Variants in SNX13 observed in about 807,000 individuals in gnomAD.
The protein encoded by SNX13 is sorting nexin-13.
In SNX13, 45 loss-of-function variants were observed where a neutral mutation model predicts 133.6. The observed-to-expected ratio is 0.34, with a 90% CI of 0.27 to 0.43. The LOEUF is 0.43. Among genes scored for constraint, SNX13 ranks in the 20% least tolerant of loss-of-function variants. The pLI is 1.00. For missense variants in SNX13, 1,032 were observed against 1,145.1 expected (o/e 0.90, Z 1.43); for synonymous variants, 414 against 373.9 (o/e 1.11, Z -1.24).
chr7:17,930,328 T>C (rs1801255406), intron 1 of SNX13, among the ~76,000 whole-genome samples: 1 of 152,118 alleles, frequency 6.6e-6, no homozygotes, highest in South Asian at 2.1e-4. Flanking sequence ...TAGATTCAAA[T>C]CCAAATAATC....
In SNX13 at chr7:17,851,029, T is replaced by C. The variant is rs1454687365; in HGVS notation, c.838-65A>G. 8 of 1,494,590 alleles carry C rather than the reference T, an allele frequency of 5.4e-6. No homozygotes were observed. In the African/African-American group the frequency reaches 7.1e-5, roughly 13 times the overall value. The allele number at this position is 1,494,590 out of a possible 1,614,324, so 92.6% of individuals were successfully genotyped here. The stretch of plus-strand genomic sequence containing the variant: ...CACTTATGAAAAGGAAAACTGAATC[T>C]TGAGTGCCTACTATGTGCTAGGACA... On this transcript the variant is annotated intron_variant, in intron 9 of 25. Transcript: ENST00000428135.
intron 9 of SNX13, among the ~76,000 whole-genome samples, chr7:17,861,003 ATG>A (rs1265466860): frequency 1.3e-5 from 2 of 152,038 alleles, no homozygotes; most frequent in African/African-American, 4.8e-5. Context: ...TGAACATAGT[ATG>A]TGTTTCCATT....
intron 20 of SNX13, among the ~76,000 whole-genome samples, chr7:17,811,369 C>G (rs1786000216): frequency 6.6e-6 from 1 of 151,762 alleles, no homozygotes. Context: ...AGACAAACAG[C>G]CAAATCATGA....
At chr7:17,858,520 G>A (rs1451380522) in intron 9 of SNX13, among the ~76,000 whole-genome samples, 7 of 152,014 alleles carry the variant, frequency 4.6e-5, no homozygotes, top group Non-Finnish European at 7.4e-5. Flanking sequence ...GAGATGCCAT[G>A]TTCCTAGATA....
At chr7:17,870,774 T>C (rs1793999654) in intron 8 of SNX13, among the ~76,000 whole-genome samples, 1 of 152,132 alleles carries the variant, frequency 6.6e-6, no homozygotes, top group Admixed American at 6.6e-5. Flanking sequence ...CTCATTAGAG[T>C]TACAATTCAT....
chr7:17,830,161 TA>T (rs367739163), intron 15 of SNX13, 114 bp from the exon 16 acceptor site: 56,573 of 470,974 alleles, frequency 0.12, 14 homozygotes, highest in Non-Finnish European at 0.13. Flanking sequence ...AACATAATAG[TA>T]AAAAAAAAAA....
chr7:17,934,526 G>A (rs763478935), intron 1 of SNX13, among the ~76,000 whole-genome samples: 1 of 152,112 alleles, frequency 6.6e-6, no homozygotes, highest in Non-Finnish European at 1.5e-5. Flanking sequence ...CATGTGGGCA[G>A]GCACCACCCA....
intron 2 of SNX13, among the ~76,000 whole-genome samples, chr7:17,896,117 T>A (rs1797177717): frequency 6.6e-6 from 1 of 152,282 alleles, no homozygotes; most frequent in Admixed American, 6.5e-5. Flanking sequence ...AGAAGTATAA[T>A]TAGGAAACCC....
intron 1 of SNX13, among the ~76,000 whole-genome samples, chr7:17,901,994 T>A (rs1246175175): frequency 1.3e-5 from 2 of 152,148 alleles, no homozygotes; most frequent in Non-Finnish European, 2.9e-5. Context: ...TAAAGAAATT[T>A]TCAAAAAAGA....
intron 23 of SNX13, 31 bp downstream of exon 23, chr7:17,798,978 C>G: frequency 6.3e-7 from 1 of 1,589,362 alleles, no homozygotes. Context: ...TAAGTAAGAT[C>G]AGATTAAAAG....
intron 18 of SNX13, 22 bp from the exon 19 acceptor site, chr7:17,816,311 A>G (rs1347947602): frequency 1.3e-6 from 2 of 1,522,188 alleles, no homozygotes; most frequent in South Asian, 1.2e-5. Context: ...AATACATTCA[A>G]TAGCACTTTT....
At chr7:17,841,772 AAAC>A in intron 12 of SNX13, among the ~76,000 whole-genome samples, 1 of 152,228 alleles carries the variant, frequency 6.6e-6, no homozygotes, top group Admixed American at 6.6e-5. Flanking sequence ...AAAGTCAATA[AAAC>A]AATCTATGAA....
At chr7:17,912,397 G>A (rs1328815025) in intron 1 of SNX13, among the ~76,000 whole-genome samples, 1 of 147,182 alleles carries the variant, frequency 6.8e-6, no homozygotes, top group Non-Finnish European at 1.5e-5. Context: ...TCCCAGGCAT[G>A]GGAATAAGAG....
At chr7:17,805,254 T>TGCCC (rs1554304328) in intron 20 of SNX13, among the ~76,000 whole-genome samples, 1 of 132,440 alleles carries the variant, frequency 7.6e-6, no homozygotes, top group African/African-American at 2.7e-5. Context: ...TGTGTGTGCG[T>TGCCC]GCGCGCGCGC....
chr7:17,921,241 T>C (rs1171628913), intron 1 of SNX13, among the ~76,000 whole-genome samples: 2 of 152,248 alleles, frequency 1.3e-5, no homozygotes, highest in African/African-American at 4.8e-5. Flanking sequence ...ACAGGACTGC[T>C]GGATGTGTTC....
rs1306279612 is a variant in SNX13 at position 17,853,950 on chromosome 7, TAAA to T, written c.838-2989_838-2987del. On this transcript the variant is annotated intron_variant, in intron 9 of 25. Transcript: ENST00000428135. ...AGCGAGAATCCATCTCCAAAAAAAA[TAAA>T]AAAAGAAAAAAAAAGAAAAAAGAAA... Among the ~76,000 whole-genome samples, 730 of 132,460 alleles carry T rather than the reference TAAA, an allele frequency of 5.5e-3. 5 individuals are homozygous for T. Among genetic ancestry groups the T allele is most frequent in the African/African-American group, 0.02 (704 of 35,334 alleles). The allele number at this position is 132,460 out of a possible 152,430, so 86.9% of individuals were successfully genotyped here. A position where few individuals can be genotyped will look rare whatever the true frequency, so the allele number is the denominator to read the frequency against.
rs575424600 is a variant in SNX13 at position 17,890,503 on chromosome 7, A to G, written c.319-19T>C. Reference sequence around the variant, plus strand: ...GGATAACCTATAACAAAAATATTGGAAAAAAAATTACAACATTTTAGGATT... The same window carrying G: ...GGATAACCTATAACAAAAATATTGGGAAAAAAATTACAACATTTTAGGATT... On this transcript the variant is annotated intron_variant, in intron 4 of 25. Coordinates refer to ENST00000428135, the MANE Select transcript of SNX13 (RefSeq NM_015132.5). 2.3e-5 allele frequency: 35 copies of G among 1,517,422 alleles called. No homozygotes were observed. In the East Asian group the frequency reaches 3.0e-4, roughly 13 times the overall value. The allele number at this position is 1,517,422 out of a possible 1,614,324, so 94.0% of individuals were successfully genotyped here. A position where few individuals can be genotyped will look rare whatever the true frequency, so the allele number is the denominator to read the frequency against.
intron 1 of SNX13, among the ~76,000 whole-genome samples, chr7:17,907,027 A>AC (rs1169152487): frequency 3.3e-5 from 5 of 152,192 alleles, no homozygotes; most frequent in African/African-American, 1.2e-4. Flanking sequence ...TCTTGGGGCG[A>AC]AACACCAAGT....
chr7:17,844,245 G>T (rs1434127088), intron 12 of SNX13, among the ~76,000 whole-genome samples: 1 of 151,888 alleles, frequency 6.6e-6, no homozygotes, highest in Non-Finnish European at 1.5e-5. Context: ...TATTACTAAT[G>T]ACTCTACAAA....
Sources: allele counts gnomAD v4.1 joint callset (sites outside exome capture counted in the v4.1 genomes callset), GRCh38; gene constraint gnomAD v4.1.1; transcripts MANE v1.5; gene names NCBI Gene and HGNC (gene_info 2026-07-23, HGNC 2026-07-21).